Variants in FTO observed in about 807,000 individuals in gnomAD.
The protein encoded by FTO is alpha-ketoglutarate-dependent dioxygenase FTO.
Under a neutral mutation model 63.9 loss-of-function variants are expected in FTO, and 47 were observed. The ratio of observed to expected loss-of-function variants is 0.74; its 90% confidence interval spans 0.58 to 0.94. The LOEUF (loss-of-function observed/expected upper bound fraction) is 0.94, where lower values mean the gene tolerates loss of function less well. Among genes scored for constraint, FTO ranks in the 40% least tolerant of loss-of-function variants. FTO has a pLI of 0.00. For synonymous variants in FTO, 207 were observed against 224.4 expected (o/e 0.92, Z 0.69); for missense variants, 562 against 618.1 (o/e 0.91, Z 0.96).
chr16:54,117,422 T>A lies in FTO; in HGVS notation c.*5507T>A, dbSNP rs1221485470. ...CTATAATGGGGATGATGATAATGCCTAGCTCATTGGATTGTTCTGTCCCCT... is the reference window on the plus strand; with the variant it reads ...CTATAATGGGGATGATGATAATGCCAAGCTCATTGGATTGTTCTGTCCCCT... On this transcript the variant is annotated 3_prime_UTR_variant, in exon 9 of 9. Coordinates refer to ENST00000471389, the MANE Select transcript of FTO (RefSeq NM_001080432.3). 6.6e-6 allele frequency: 1 copy of A among 152,214 alleles called. No homozygotes were observed. The highest frequency in any genetic ancestry group is 1.5e-5 in the Non-Finnish European group (1 of 68,042). The allele number at this position is 152,214 out of a possible 1,614,324, so 9.4% of individuals were successfully genotyped here.
At chr16:53,829,425 G>A (rs763985693) in intron 3 of FTO, among the ~76,000 whole-genome samples, 1 of 152,228 alleles carries the variant, frequency 6.6e-6, no homozygotes, top group Non-Finnish European at 1.5e-5. Flanking sequence ...CAAAGCATGT[G>A]GCTCTGGGTC....
rs1026577277 is a variant in FTO at position 54,113,930 on chromosome 16, C to T, written c.*2015C>T. 14 of 152,116 alleles carry T rather than the reference C, an allele frequency of 9.2e-5. No homozygotes were observed. Among genetic ancestry groups the T allele is most frequent in the African/African-American group, 3.4e-4 (14 of 41,354 alleles). 9.4% of individuals were successfully genotyped at this position (152,116 alleles called of 1,614,324 possible). On this transcript the variant is annotated 3_prime_UTR_variant, in exon 9 of 9. Coordinates refer to ENST00000471389, the MANE Select transcript of FTO (RefSeq NM_001080432.3). ...TCAAGTAATTCTCCTGCCTCAGCCT[C>T]CCAAGTAGCTGGGACTACAGGCACG...
At chr16:53,811,994 G>A (rs1408054445) in intron 2 of FTO, among the ~76,000 whole-genome samples, 1 of 151,852 alleles carries the variant, frequency 6.6e-6, no homozygotes, top group Non-Finnish European at 1.5e-5. Flanking sequence ...TTGTATTTTT[G>A]TAGAGACAGG....
chr16:53,804,356 T>C (rs2078299618), intron 1 of FTO, among the ~76,000 whole-genome samples: 1 of 152,228 alleles, frequency 6.6e-6, no homozygotes, highest in South Asian at 2.1e-4. Flanking sequence ...TATGAAACAG[T>C]GTCCTTACAG....
chr16:54,025,882 G>T (rs1357544897), intron 8 of FTO, among the ~76,000 whole-genome samples: 2 of 152,134 alleles, frequency 1.3e-5, no homozygotes, highest in African/African-American at 4.8e-5. Flanking sequence ...GCATGGGGGC[G>T]GGTGCCTGTA....
chr16:53,838,139 C>T (rs974541203), intron 3 of FTO, among the ~76,000 whole-genome samples: 3 of 152,156 alleles, frequency 2.0e-5, no homozygotes, highest in Admixed American at 6.5e-5. Context: ...ATGGGAATGT[C>T]GAAGATCAGC....
intron 3 of FTO, among the ~76,000 whole-genome samples, chr16:53,832,326 C>A (rs918217813): frequency 6.6e-6 from 1 of 152,206 alleles, no homozygotes; most frequent in Non-Finnish European, 1.5e-5. Flanking sequence ...GTGAAACTAT[C>A]CCCACTATCA....
intron 1 of FTO, among the ~76,000 whole-genome samples, chr16:53,739,369 CTG>C (rs1186447979): frequency 6.9e-6 from 1 of 144,214 alleles, no homozygotes; most frequent in East Asian, 2.2e-4. Flanking sequence ...CCACACCTGG[CTG>C]TTTTTTTTTT....
At chr16:53,799,667 CTACA>C (rs1468833400) in intron 1 of FTO, among the ~76,000 whole-genome samples, 3 of 152,154 alleles carry the variant, frequency 2.0e-5, no homozygotes, top group Admixed American at 2.0e-4. Context: ...ATCCTCTGAG[CTACA>C]TCTCCTACTT....
intron 4 of FTO, among the ~76,000 whole-genome samples, chr16:53,870,206 C>G (rs761018562): frequency 3.3e-5 from 5 of 151,886 alleles, no homozygotes; most frequent in Admixed American, 6.6e-5. Flanking sequence ...GACCCTGTCT[C>G]CTGAGAAAAT....
chr16:53,750,555 T>A (rs1314388091), intron 1 of FTO, among the ~76,000 whole-genome samples: 3 of 152,170 alleles, frequency 2.0e-5, no homozygotes, highest in African/African-American at 4.8e-5. Flanking sequence ...GGCTTTTAAA[T>A]TTTTAAAAGA....
intron 4 of FTO, among the ~76,000 whole-genome samples, chr16:53,854,829 G>A (rs1241290769): frequency 6.6e-6 from 1 of 152,032 alleles, no homozygotes; most frequent in Non-Finnish European, 1.5e-5. Context: ...AATTACATTG[G>A]TATTTTGATA....
chr16:54,052,142 A>T (rs1243552148), intron 8 of FTO, among the ~76,000 whole-genome samples: 1 of 152,158 alleles, frequency 6.6e-6, no homozygotes, highest in East Asian at 1.9e-4. Flanking sequence ...ATGGGCATGT[A>T]ATATGTTCTT....
intron 8 of FTO, among the ~76,000 whole-genome samples, chr16:54,066,808 G>A (rs776190053): frequency 1.3e-5 from 2 of 152,204 alleles, no homozygotes; most frequent in Non-Finnish European, 2.9e-5. Context: ...CAAAAGCAAC[G>A]GGACAAACAT....
chr16:53,921,544 G>C (rs774172787), intron 7 of FTO, among the ~76,000 whole-genome samples: 1 of 152,178 alleles, frequency 6.6e-6, no homozygotes, highest in African/African-American at 2.4e-5. Flanking sequence ...GGAATTAGGG[G>C]CATGTGTGTG....
intron 1 of FTO, among the ~76,000 whole-genome samples, chr16:53,775,748 TC>T (rs2077444034): frequency 6.6e-6 from 1 of 152,300 alleles, no homozygotes; most frequent in Admixed American, 6.5e-5. Context: ...TACTAACTTT[TC>T]AGCTCTGCTA....
intron 1 of FTO, among the ~76,000 whole-genome samples, chr16:53,723,805 G>A (rs2076092293): frequency 6.6e-6 from 1 of 152,174 alleles, no homozygotes; most frequent in South Asian, 2.1e-4. Context: ...CTTGCTTGCT[G>A]TCAGCACCTG....
intron 8 of FTO, among the ~76,000 whole-genome samples, chr16:54,088,179 G>A (rs1268941451): frequency 6.6e-6 from 1 of 152,090 alleles, no homozygotes; most frequent in Non-Finnish European, 1.5e-5. Context: ...TGTATCCAAC[G>A]ACAAACATAT....
chr16:53,839,009 C>T lies in FTO; in HGVS notation c.752-5146C>T, dbSNP rs183304672. Among the ~76,000 whole-genome samples, 258 of 152,206 alleles carry T rather than the reference C, an allele frequency of 1.7e-3. 1 individual carries two copies. The highest frequency in any genetic ancestry group is 5.9e-3 in the African/African-American group (245 of 41,530). On this transcript the variant is annotated intron_variant, in intron 3 of 8. Coordinates refer to ENST00000471389, the MANE Select transcript of FTO (RefSeq NM_001080432.3). ...TGTAATCTCTACTGTCATACTCTGGCTTCTGTCTTTGTTTCCTGTAGAGCC... is the reference window on the plus strand; with the variant it reads ...TGTAATCTCTACTGTCATACTCTGGTTTCTGTCTTTGTTTCCTGTAGAGCC...
Sources: allele counts gnomAD v4.1 joint callset (sites outside exome capture counted in the v4.1 genomes callset), GRCh38; gene constraint gnomAD v4.1.1; transcripts MANE v1.5; gene names NCBI Gene and HGNC (gene_info 2026-07-23, HGNC 2026-07-21).